The following SUPT3H variants were observed in gnomAD, a reference collection of about 807,000 sequenced individuals.
SUPT3H encodes transcription initiation protein SPT3 homolog.
In SUPT3H, 44 loss-of-function variants were observed where a neutral mutation model predicts 44.3. That is an observed-to-expected ratio of 0.99 (90% CI 0.78 to 1.28). The LOEUF (loss-of-function observed/expected upper bound fraction) is 1.28. Ranked by LOEUF, SUPT3H falls within the 50% of genes most tolerant of loss-of-function variation. SUPT3H has a pLI of 0.00. For synonymous variants in SUPT3H, 124 were observed against 125.6 expected, an observed-to-expected ratio of 0.99 and a Z score of 0.09; for missense variants, 380 against 387.1, an observed-to-expected ratio of 0.98 and a Z score of 0.15.
intron 6 of SUPT3H, among the ~76,000 whole-genome samples, chr6:44,972,538 G>A (rs546965521): frequency 1.4e-4 from 22 of 152,296 alleles, no homozygotes; most frequent in Middle Eastern, 3.4e-3. Context: ...CTGCGATCTG[G>A]AGAATGGTGG....
intron 2 of SUPT3H, among the ~76,000 whole-genome samples, chr6:45,135,793 T>C (rs142943279): frequency 7.6e-4 from 115 of 152,300 alleles, no homozygotes; most frequent in South Asian, 2.3e-3. Flanking sequence ...CTATGAGAAA[T>C]TGCATTCTGT....
chr6:45,300,613 G>A (rs943914705), intron 2 of SUPT3H, among the ~76,000 whole-genome samples: 13 of 152,134 alleles, frequency 8.5e-5, no homozygotes, highest in Non-Finnish European at 1.8e-4. Flanking sequence ...AGGAAGCGAC[G>A]GCTTAATGGG....
At chr6:44,812,569 T>C (rs1447873255) in intron 11 of SUPT3H, among the ~76,000 whole-genome samples, 1 of 152,174 alleles carries the variant, frequency 6.6e-6, no homozygotes, top group East Asian at 1.9e-4. Context: ...CCTTTTGCTA[T>C]GTGATGTAAC....
chr6:44,985,118 T>C (rs1392219797), intron 6 of SUPT3H, among the ~76,000 whole-genome samples: 1 of 150,948 alleles, frequency 6.6e-6, no homozygotes, highest in Non-Finnish European at 1.5e-5. Flanking sequence ...ATGGAAAGAC[T>C]GCTTGAGGCC....
At chr6:45,348,928 T>C (rs1791476108) in intron 2 of SUPT3H, among the ~76,000 whole-genome samples, 1 of 152,172 alleles carries the variant, frequency 6.6e-6, no homozygotes. Context: ...AGAGTCCTTA[T>C]CACAATTTAT....
At chr6:45,233,712 T>C (rs1485203520) in intron 2 of SUPT3H, among the ~76,000 whole-genome samples, 1 of 152,210 alleles carries the variant, frequency 6.6e-6, no homozygotes. Context: ...CAAGGTATGA[T>C]TGTCTATTTG....
chr6:45,043,942 GA>G (rs34536762), intron 3 of SUPT3H, among the ~76,000 whole-genome samples: 1 of 152,114 alleles, frequency 6.6e-6, no homozygotes, highest in Admixed American at 6.6e-5. Flanking sequence ...GAGAAACTCA[GA>G]AATGTACACC....
chr6:45,324,140 CA>C (rs960049769), intron 2 of SUPT3H, among the ~76,000 whole-genome samples: 8 of 151,764 alleles, frequency 5.3e-5, no homozygotes, highest in African/African-American at 1.9e-4. Context: ...TGACAGCATT[CA>C]AAGATGAATT....
At chr6:45,322,883 C>T (rs1326218574) in intron 2 of SUPT3H, 1 of 1,612,564 alleles carries the variant, frequency 6.2e-7, no homozygotes. Flanking sequence ...TCTCACCTGT[C>T]AAAGTTGAAG....
intron 4 of SUPT3H, among the ~76,000 whole-genome samples, chr6:45,015,795 GCGCACACA>G (rs1359401562): frequency 4.0e-5 from 6 of 149,540 alleles, no homozygotes; most frequent in Admixed American, 3.3e-4. Context: ...ACACACGCGC[GCGCACACA>G]CACACACACA....
At chr6:45,242,861 T>C (rs1770622695) in intron 2 of SUPT3H, among the ~76,000 whole-genome samples, 1 of 151,882 alleles carries the variant, frequency 6.6e-6, no homozygotes, top group Non-Finnish European at 1.5e-5. Context: ...GATGCAGAAA[T>C]GGCATAGATA....
At chr6:45,062,853 T>A (rs908484741) in intron 3 of SUPT3H, among the ~76,000 whole-genome samples, 55 of 151,978 alleles carry the variant, frequency 3.6e-4, no homozygotes, top group African/African-American at 1.3e-3. Flanking sequence ...CAGTCTGAGA[T>A]CAAACTGCAA....
intron 2 of SUPT3H, among the ~76,000 whole-genome samples, chr6:45,127,426 A>C (rs9395066): frequency 0.4 from 61,023 of 151,940 alleles, 12,636 homozygotes; most frequent in East Asian, 0.71. Context: ...AATCATTTAA[A>C]CTCCACAACA....
intron 2 of SUPT3H, among the ~76,000 whole-genome samples, chr6:45,140,258 G>A (rs115599351): frequency 7.7e-4 from 117 of 152,078 alleles, no homozygotes; most frequent in African/African-American, 2.7e-3. Context: ...ACCTAAGCAC[G>A]CCCCTACCTG....
chr6:44,953,395 A>C lies in SUPT3H; in HGVS notation c.716T>G (p.Val239Gly), dbSNP rs558454540. The C allele has an allele frequency of 3.6e-5, 58 of 1,614,098 alleles. 1 individual carries two copies. In the South Asian group the frequency reaches 6.1e-4, roughly 17 times the overall value. Residue 239 changes from valine to glycine, a missense_variant, in exon 9 of 11, where the codon GTG (valine) becomes GGG (glycine). By Grantham distance (109) the Val-to-Gly change is moderately radical. Transcript: ENST00000371459. Reference protein sequence around the residue: ...VAQLVDLALLVRQDMVTKAGD... With the variant: ...VAQLVDLALLGRQDMVTKAGD... ...TGCCTTGGTTACCATGTCTTGCCTC[A>C]CAAGAAGAGCCAGATCCACTAACTA...
chr6:44,936,542 A>G (rs1353809379), intron 9 of SUPT3H, among the ~76,000 whole-genome samples: 1 of 152,112 alleles, frequency 6.6e-6, no homozygotes, highest in African/African-American at 2.4e-5. Flanking sequence ...CTCTACCTCT[A>G]TGTGTACACA....
intron 6 of SUPT3H, among the ~76,000 whole-genome samples, chr6:45,001,205 T>A (rs1050003227): frequency 1.3e-5 from 2 of 152,012 alleles, no homozygotes; most frequent in African/African-American, 4.8e-5. Context: ...GTGGGTGGGG[T>A]TGGAGGGAAG....
intron 2 of SUPT3H, among the ~76,000 whole-genome samples, chr6:45,194,164 T>G (rs1815619275): frequency 6.6e-6 from 1 of 152,220 alleles, no homozygotes; most frequent in South Asian, 2.1e-4. Context: ...TTACATTTTA[T>G]GGTATGCATT....
At chr6:44,964,878 C>T (rs1179317381) in intron 6 of SUPT3H, among the ~76,000 whole-genome samples, 2 of 152,188 alleles carry the variant, frequency 1.3e-5, no homozygotes, top group African/African-American at 4.8e-5. Flanking sequence ...TTGTTCAAAT[C>T]TCTTCAATTC....
Sources: allele counts gnomAD v4.1 joint callset (sites outside exome capture counted in the v4.1 genomes callset), GRCh38; gene constraint gnomAD v4.1.1; transcripts MANE v1.5; gene names NCBI Gene and HGNC (gene_info 2026-07-23, HGNC 2026-07-21).